Variants in FGF14 observed in about 807,000 individuals in gnomAD.
The protein encoded by FGF14 is fibroblast growth factor homologous factor 4.
In FGF14, 5 loss-of-function variants were observed where a neutral mutation model predicts 25.5. The ratio of observed to expected loss-of-function variants is 0.20; its 90% CI spans 0.10 to 0.41. The LOEUF (loss-of-function observed/expected upper bound fraction) is 0.41. FGF14 is among the 10% of genes least tolerant of loss of function. The pLI, the probability that FGF14 is intolerant of heterozygous loss-of-function variation, is 1.00. For missense variants in FGF14, 222 were observed against 320.1 expected, an observed-to-expected ratio of 0.69 and a Z score of 2.34; for synonymous variants, 138 against 118.3, an observed-to-expected ratio of 1.17 and a Z score of -1.08.
intron 1 of FGF14, among the ~76,000 whole-genome samples, chr13:102,153,305 T>A (rs1215267920): frequency 1.3e-5 from 2 of 152,230 alleles, no homozygotes; most frequent in South Asian, 4.1e-4. Flanking sequence ...ATACATATTT[T>A]TCTCTGAAAT....
chr13:101,840,471 ATAAT>A (rs550414156), intron 3 of FGF14, among the ~76,000 whole-genome samples: 265 of 151,742 alleles, frequency 1.7e-3, no homozygotes, highest in Non-Finnish European at 3.3e-3. Flanking sequence ...ATTCACTAAT[ATAAT>A]TATTAATATA....
At chr13:102,161,224 AAATT>A (rs1411615372) in intron 1 of FGF14, among the ~76,000 whole-genome samples, 1 of 152,142 alleles carries the variant, frequency 6.6e-6, no homozygotes, top group Non-Finnish European at 1.5e-5. Flanking sequence ...AACAAAAAAT[AAATT>A]AAGGAGAAAG....
intron 1 of FGF14, among the ~76,000 whole-genome samples, chr13:101,894,626 C>A (rs1363688316): frequency 2.0e-5 from 3 of 152,154 alleles, no homozygotes; most frequent in Non-Finnish European, 4.4e-5. Context: ...TTAACATATA[C>A]CCACTGACAG....
At chr13:101,876,401 A>G (rs538297694) in intron 1 of FGF14, among the ~76,000 whole-genome samples, 13 of 152,310 alleles carry the variant, frequency 8.5e-5, no homozygotes, top group Admixed American at 3.9e-4. Flanking sequence ...GCACCTTATA[A>G]TCAATAGAAA....
chr13:101,755,386 CCCAGCACTT>C (rs2037578313), intron 3 of FGF14, among the ~76,000 whole-genome samples: 1 of 129,084 alleles, frequency 7.7e-6, no homozygotes. Flanking sequence ...TGCCTGTAAT[CCCAGCACTT>C]TGGGAGGCTG....
At chr13:102,251,339 G>A (rs973925314) in intron 1 of FGF14, among the ~76,000 whole-genome samples, 2 of 152,092 alleles carry the variant, frequency 1.3e-5, no homozygotes, top group African/African-American at 4.8e-5. Context: ...CAGTCAGAAG[G>A]CTCTGAGTGA....
At chr13:102,009,056 T>C (rs1256069062) in intron 1 of FGF14, among the ~76,000 whole-genome samples, 3 of 152,156 alleles carry the variant, frequency 2.0e-5, no homozygotes, top group Admixed American at 6.5e-5. Context: ...AAGCCATACA[T>C]GTCCTTTGAA....
chr13:101,762,462 T>C (rs1186090451), intron 3 of FGF14, among the ~76,000 whole-genome samples: 1 of 152,204 alleles, frequency 6.6e-6, no homozygotes, highest in East Asian at 1.9e-4. Flanking sequence ...AGCAAAGGCA[T>C]AATTGTCCTT....
At chr13:102,054,283 G>T (rs1024165641) in intron 1 of FGF14, among the ~76,000 whole-genome samples, 2 of 152,210 alleles carry the variant, frequency 1.3e-5, no homozygotes, top group African/African-American at 2.4e-5. Flanking sequence ...CACAAAGAGT[G>T]CTTTTAAAAA....
intron 1 of FGF14, among the ~76,000 whole-genome samples, chr13:101,907,751 G>A (rs1418430949): frequency 1.3e-5 from 2 of 152,232 alleles, no homozygotes; most frequent in East Asian, 3.9e-4. Context: ...CTAAATATTA[G>A]AGCATATTTA....
At chr13:102,050,889 C>T (rs1211372897) in intron 1 of FGF14, among the ~76,000 whole-genome samples, 1 of 152,198 alleles carries the variant, frequency 6.6e-6, no homozygotes, top group South Asian at 2.1e-4. Context: ...CAATATCAGC[C>T]CATGGTCTCA....
In FGF14 at chr13:101,720,859, G is replaced by GCTAA. The variant is rs1273422808; in HGVS notation, c.*1968_*1971dup. On this transcript the variant is annotated 3_prime_UTR_variant, in exon 5 of 5. Transcript: ENST00000376143. ...GGCAATAAATCTACTCAAACGTTCT[G>GCTAA]CTAACTTTTTATTTATTCAAGTAGA... The GCTAA allele has an allele frequency of 4.6e-5, 7 of 152,036 alleles. No individual in the cohort carries two copies. The highest frequency in any genetic ancestry group is 7.3e-5 in the African/African-American group (3 of 41,378). The allele number at this position is 152,036 out of a possible 1,614,324, so 9.4% of individuals were successfully genotyped here.
intron 3 of FGF14, among the ~76,000 whole-genome samples, chr13:101,776,352 T>C (rs1226216125): frequency 6.6e-6 from 1 of 152,128 alleles, no homozygotes; most frequent in South Asian, 2.1e-4. Context: ...CACCTTAACT[T>C]GAAGCCATCA....
intron 1 of FGF14, among the ~76,000 whole-genome samples, chr13:102,072,141 C>T (rs2043178917): frequency 6.6e-6 from 1 of 151,868 alleles, no homozygotes; most frequent in African/African-American, 2.4e-5. Context: ...AATCACAAAG[C>T]AGGAAAAGGC....
At chr13:101,813,094 A>C (rs530800784) in intron 3 of FGF14, among the ~76,000 whole-genome samples, 1 of 152,254 alleles carries the variant, frequency 6.6e-6, no homozygotes, top group African/African-American at 2.4e-5. Flanking sequence ...TCATGGCAAA[A>C]CCATTCCTTG....
chr13:102,085,672 G>A (rs930296344), intron 1 of FGF14, among the ~76,000 whole-genome samples: 4 of 152,120 alleles, frequency 2.6e-5, no homozygotes, highest in African/African-American at 9.7e-5. Flanking sequence ...TTTTATTAAG[G>A]TGAGAATAAA....
intron 3 of FGF14, among the ~76,000 whole-genome samples, chr13:101,826,310 C>T (rs1297750721): frequency 6.6e-6 from 1 of 152,094 alleles, no homozygotes; most frequent in Non-Finnish European, 1.5e-5. Context: ...TCCTGAGGCA[C>T]ATTCTACAGA....
intron 1 of FGF14, among the ~76,000 whole-genome samples, chr13:102,311,509 T>C (rs2055766260): frequency 6.6e-6 from 1 of 152,160 alleles, no homozygotes; most frequent in Non-Finnish European, 1.5e-5. Flanking sequence ...AGTCACCTCA[T>C]GCATTTGGGA....
intron 1 of FGF14, among the ~76,000 whole-genome samples, chr13:102,356,693 C>T (rs772871662): frequency 2.0e-5 from 3 of 152,130 alleles, no homozygotes; most frequent in Admixed American, 6.6e-5. Context: ...ACAACTGGGA[C>T]ACAACCCAAT....
Sources: gnomAD v4.1 joint callset for allele counts (sites outside exome capture counted in the v4.1 genomes callset) on GRCh38, gnomAD v4.1.1 for gene constraint, MANE v1.5 for transcripts, NCBI Gene and HGNC (gene_info 2026-07-23, HGNC 2026-07-21) for gene names.